Variants in BCAT1 observed in about 807,000 individuals in gnomAD.
The protein encoded by BCAT1 is branched-chain-amino-acid aminotransferase, cytosolic.
Under a neutral mutation model 52.4 loss-of-function variants are expected in BCAT1, and 48 were observed. The ratio of observed to expected loss-of-function variants is 0.92; its 90% CI spans 0.73 to 1.16. The LOEUF is 1.16. Ranked by LOEUF, BCAT1 falls within the 50% of genes most tolerant of loss-of-function variation. The probability of loss-of-function intolerance (pLI) is 0.00; values close to 1 mark genes in which losing one functional copy is unlikely to be tolerated. For missense variants in BCAT1, 451 were observed against 457.1 expected, an observed-to-expected ratio of 0.99 and a Z score of 0.12; for synonymous variants, 167 against 161.3, an observed-to-expected ratio of 1.04 and a Z score of -0.27.
At chr12:24,877,220 A>AG (rs1454994889) in intron 5 of BCAT1, among the ~76,000 whole-genome samples, 11 of 152,332 alleles carry the variant, frequency 7.2e-5, no homozygotes, top group African/African-American at 2.4e-4. Context: ...CACTTAGTAG[A>AG]GAACAGAATG....
chr12:24,935,841 TC>T (rs1481899175), intron 1 of BCAT1, among the ~76,000 whole-genome samples: 1 of 152,168 alleles, frequency 6.6e-6, no homozygotes, highest in Non-Finnish European at 1.5e-5. Context: ...ATCTTTTTCC[TC>T]CAGTTTCCCT....
intron 3 of BCAT1, among the ~76,000 whole-genome samples, chr12:24,893,812 A>G (rs1269911949): frequency 6.6e-6 from 1 of 152,230 alleles, no homozygotes; most frequent in African/African-American, 2.4e-5. Flanking sequence ...AATTATTTCA[A>G]CTCATGGCTG....
intron 10 of BCAT1, among the ~76,000 whole-genome samples, chr12:24,822,653 C>T (rs902173030): frequency 1.3e-5 from 2 of 152,168 alleles, no homozygotes; most frequent in African/African-American, 4.8e-5. Flanking sequence ...CATGAGATAA[C>T]TGAGACGTGC....
intron 2 of BCAT1, among the ~76,000 whole-genome samples, chr12:24,900,683 G>A (rs567182044): frequency 1.3e-5 from 2 of 152,338 alleles, no homozygotes; most frequent in East Asian, 3.9e-4. Context: ...GCTCACGCCT[G>A]CAATCCCAGC....
chr12:24,915,890 G>A (rs1228293326), intron 1 of BCAT1, among the ~76,000 whole-genome samples: 1 of 152,248 alleles, frequency 6.6e-6, no homozygotes, highest in African/African-American at 2.4e-5. Context: ...GGGCACAGTG[G>A]CTCACGCCTG....
chr12:24,878,504 C>A (rs762442600), intron 5 of BCAT1, 26 bp downstream of exon 5: 25 of 1,592,424 alleles, frequency 1.6e-5, no homozygotes, highest in Non-Finnish European at 2.1e-5. Flanking sequence ...CAGCAAAGTA[C>A]CCCAAAATAA....
At chr12:24,857,142 G>A (rs190092236) in intron 5 of BCAT1, among the ~76,000 whole-genome samples, 30 of 152,178 alleles carry the variant, frequency 2.0e-4, no homozygotes, top group African/African-American at 6.3e-4. Context: ...TCCTAGCTTC[G>A]GGAATGAGTC....
chr12:24,884,071 T>A (rs1023790702), intron 3 of BCAT1, among the ~76,000 whole-genome samples: 55 of 152,312 alleles, frequency 3.6e-4, no homozygotes, highest in African/African-American at 1.3e-3. Flanking sequence ...GTAGCATTAT[T>A]CACAATAGCC....
intron 1 of BCAT1, among the ~76,000 whole-genome samples, chr12:24,927,591 C>G (rs1386602994): frequency 6.6e-6 from 1 of 152,116 alleles, no homozygotes; most frequent in East Asian, 1.9e-4. Context: ...GTGACATTAA[C>G]ACATTTTGGA....
chr12:24,825,145 A>G lies in BCAT1; in HGVS notation c.1119+4678T>C, dbSNP rs879441254. 4.4e-3 allele frequency among the ~76,000 whole-genome samples: 660 copies of G among 151,712 alleles called. 16 individuals carry two copies. Among genetic ancestry groups the G allele is most frequent in the East Asian group, 0.026 (135 of 5,152 alleles). ...TGTGTGTGTGTGTGTGTATATATAT[A>G]TATATATATATCTTTATGCCACATT... is the stretch of plus-strand genomic sequence containing the variant. On this transcript the variant is annotated intron_variant, in intron 10 of 10. Transcript: ENST00000261192.
At chr12:24,938,705 T>C (rs1303840334) in intron 1 of BCAT1, among the ~76,000 whole-genome samples, 1 of 152,052 alleles carries the variant, frequency 6.6e-6, no homozygotes, top group African/African-American at 2.4e-5. Flanking sequence ...GTACAAGTGC[T>C]CTTACCCCCA....
chr12:24,828,184 T>G (rs1433153875), intron 10 of BCAT1, among the ~76,000 whole-genome samples: 3 of 152,252 alleles, frequency 2.0e-5, no homozygotes, highest in African/African-American at 7.2e-5. Flanking sequence ...GATCAAACTT[T>G]ATTTTACTTT....
chr12:24,869,300 G>C (rs1192499746), intron 5 of BCAT1, among the ~76,000 whole-genome samples: 1 of 152,114 alleles, frequency 6.6e-6, no homozygotes, highest in Admixed American at 6.6e-5. Context: ...GTGCACACTG[G>C]GGAGCCACAG....
At chr12:24,836,911 AAAGAAAGAAAGAAAG>A in intron 7 of BCAT1, among the ~76,000 whole-genome samples, 2 of 19,668 alleles carry the variant, frequency 1.0e-4, no homozygotes, top group Non-Finnish European at 3.6e-4. Context: ...AGAAAGAGAG[AAAGAAAGAAAGAAAG>A]AAAGAAAGAA....
At chr12:24,834,169 A>G in intron 8 of BCAT1, 1 of 979,836 alleles carries the variant, frequency 1.0e-6, no homozygotes. Context: ...GAGTTCAAAT[A>G]TCTGAAATAC....
At chr12:24,911,373 C>A (rs531518717) in intron 1 of BCAT1, among the ~76,000 whole-genome samples, 1 of 152,128 alleles carries the variant, frequency 6.6e-6, no homozygotes, top group Admixed American at 6.5e-5. Flanking sequence ...AGAATGAATG[C>A]GCAGGGCTAC....
intron 7 of BCAT1, among the ~76,000 whole-genome samples, chr12:24,840,094 G>A (rs1171196488): frequency 6.6e-6 from 1 of 152,198 alleles, no homozygotes; most frequent in Non-Finnish European, 1.5e-5. Flanking sequence ...AGAGGCAGAA[G>A]ACAAACTCAC....
chr12:24,847,440 C>G (rs1941379619), intron 6 of BCAT1, among the ~76,000 whole-genome samples: 1 of 152,170 alleles, frequency 6.6e-6, no homozygotes, highest in Non-Finnish European at 1.5e-5. Flanking sequence ...TTGGACAAAT[C>G]TATAACGACA....
chr12:24,929,712 C>T (rs549480161), intron 1 of BCAT1, among the ~76,000 whole-genome samples: 11 of 152,156 alleles, frequency 7.2e-5, no homozygotes, highest in Admixed American at 7.2e-4. Flanking sequence ...TATACACTTC[C>T]TCTCCTCACC....
Sources: gnomAD v4.1 joint callset for allele counts (sites outside exome capture counted in the v4.1 genomes callset) on GRCh38, gnomAD v4.1.1 for gene constraint, MANE v1.5 for transcripts, NCBI Gene and HGNC (gene_info 2026-07-23, HGNC 2026-07-21) for gene names.